The following OPCML variants were observed in gnomAD, a reference collection of about 807,000 sequenced individuals.
OPCML encodes opioid binding protein/cell adhesion molecule like.
A neutral mutation model predicts 37.8 loss-of-function variants in OPCML; 13 were observed. The observed-to-expected ratio is 0.34, with a 90% confidence interval of 0.22 to 0.55. The LOEUF is 0.55. Ranked by LOEUF, OPCML falls within the 20% of genes least tolerant of loss-of-function variation. OPCML has a pLI of 0.91. For synonymous variants in OPCML, 176 were observed against 168.8 expected (o/e 1.04, Z -0.33); for missense variants, 341 against 435.6 (o/e 0.78, Z 1.93).
intron 3 of OPCML, among the ~76,000 whole-genome samples, chr11:132,628,896 C>T (rs1438390143): frequency 6.6e-6 from 1 of 152,120 alleles, no homozygotes; most frequent in Non-Finnish European, 1.5e-5. Flanking sequence ...GTTTACTTCC[C>T]CTTCCGCCAC....
chr11:132,613,242 C>A (rs1235470997), intron 3 of OPCML, among the ~76,000 whole-genome samples: 1 of 152,152 alleles, frequency 6.6e-6, no homozygotes, highest in Non-Finnish European at 1.5e-5. Context: ...TTCTCTCTAA[C>A]AAAAAAGCTA....
At chr11:133,230,051 G>T (rs538187505) in intron 1 of OPCML, among the ~76,000 whole-genome samples, 50 of 152,178 alleles carry the variant, frequency 3.3e-4, no homozygotes, top group African/African-American at 1.2e-3. Flanking sequence ...GCAGAAAAAT[G>T]ATCAATTTAA....
intron 2 of OPCML, among the ~76,000 whole-genome samples, chr11:132,881,167 A>G (rs1591748339): frequency 6.6e-6 from 1 of 152,218 alleles, no homozygotes; most frequent in Non-Finnish European, 1.5e-5. Flanking sequence ...CTTAACAGGG[A>G]TATTTAGGAG....
intron 1 of OPCML, among the ~76,000 whole-genome samples, chr11:133,494,965 G>A (rs1479917513): frequency 2.0e-5 from 3 of 152,018 alleles, no homozygotes; most frequent in African/African-American, 7.3e-5. Flanking sequence ...GGTTACATGA[G>A]TAACTTCTTT....
chr11:133,104,861 T>TG (rs1949134607), intron 1 of OPCML, among the ~76,000 whole-genome samples: 1 of 151,968 alleles, frequency 6.6e-6, no homozygotes, highest in Non-Finnish European at 1.5e-5. Context: ...TGAAAAATAT[T>TG]AAGGCCCAAT....
At chr11:133,186,590 C>G (rs564678865) in intron 1 of OPCML, among the ~76,000 whole-genome samples, 126 of 152,282 alleles carry the variant, frequency 8.3e-4, no homozygotes, top group Non-Finnish European at 1.5e-3. Context: ...CCTCGCTATT[C>G]TCAGCTCACT....
At chr11:132,892,941 T>C (rs1486082743) in intron 2 of OPCML, among the ~76,000 whole-genome samples, 2 of 152,132 alleles carry the variant, frequency 1.3e-5, no homozygotes, top group East Asian at 3.9e-4. Flanking sequence ...GCCCTTCCTA[T>C]AGCTATTTTC....
rs564389135 is a variant in OPCML, at chr11:132,603,241, A to G, written c.379+53846T>C. Reference sequence around the variant, plus strand: ...GCCAGTGATCTCCTACTGATCCATCATAGGAATCTCAAATTCAACACACCC... The same window carrying G: ...GCCAGTGATCTCCTACTGATCCATCGTAGGAATCTCAAATTCAACACACCC... On this transcript the variant is annotated intron_variant, in intron 3 of 7. Coordinates refer to ENST00000524381, the MANE Select transcript of OPCML (RefSeq NM_001012393.5). Among the ~76,000 whole-genome samples, 19 of 152,278 alleles carry G rather than the reference A, an allele frequency of 1.2e-4. 1 individual carries two copies. The South Asian group carries it at 2.5e-3, about 20-fold the overall frequency.
intron 4 of OPCML, among the ~76,000 whole-genome samples, chr11:132,505,540 A>T (rs2096254864): frequency 6.6e-6 from 1 of 152,242 alleles, no homozygotes. Flanking sequence ...AGAATGACAT[A>T]GACCAGAGCC....
intron 4 of OPCML, among the ~76,000 whole-genome samples, chr11:132,449,011 C>T (rs1254182236): frequency 6.6e-6 from 1 of 152,178 alleles, no homozygotes; most frequent in Non-Finnish European, 1.5e-5. Context: ...ATCTGATAAT[C>T]ATGGCATTGA....
intron 1 of OPCML, among the ~76,000 whole-genome samples, chr11:133,370,041 C>T (rs1184743998): frequency 6.6e-6 from 1 of 152,102 alleles, no homozygotes; most frequent in Non-Finnish European, 1.5e-5. Flanking sequence ...AATGATTTTG[C>T]ACATGAAACA....
intron 1 of OPCML, among the ~76,000 whole-genome samples, chr11:133,164,678 T>A (rs1385153644): frequency 6.6e-6 from 1 of 152,222 alleles, no homozygotes; most frequent in Non-Finnish European, 1.5e-5. Flanking sequence ...ATAAATGTTA[T>A]CTCCTGTTCA....
chr11:133,122,106 T>C (rs1218251029), intron 1 of OPCML, among the ~76,000 whole-genome samples: 1 of 152,198 alleles, frequency 6.6e-6, no homozygotes, highest in Non-Finnish European at 1.5e-5. Context: ...AGGAATAGTG[T>C]AAAATTGTTG....
At chr11:132,532,619 A>C (rs1456525477) in intron 3 of OPCML, among the ~76,000 whole-genome samples, 1 of 152,192 alleles carries the variant, frequency 6.6e-6, no homozygotes, top group Non-Finnish European at 1.5e-5. Flanking sequence ...ATTGTTGATC[A>C]ATTCCCCAAA....
chr11:133,314,032 G>A (rs7930263), intron 1 of OPCML, among the ~76,000 whole-genome samples: 73,194 of 150,320 alleles, frequency 0.49, 20,284 homozygotes, highest in East Asian at 0.76. Context: ...TCAGGAGATC[G>A]AGACCATCCC....
At chr11:132,523,653 A>T (rs138592386) in intron 4 of OPCML, among the ~76,000 whole-genome samples, 2,379 of 152,302 alleles carry the variant, frequency 0.016, 37 homozygotes, top group Non-Finnish European at 0.023. Context: ...CAGTATTGAC[A>T]GTATTAAAGG....
At chr11:133,124,199 G>C (rs141599778) in intron 1 of OPCML, among the ~76,000 whole-genome samples, 120 of 151,974 alleles carry the variant, frequency 7.9e-4, no homozygotes, top group Admixed American at 4.5e-3. Flanking sequence ...TTTTAAGAAA[G>C]TGAATTTATT....
At chr11:132,829,531 T>G (rs1012791913) in intron 2 of OPCML, among the ~76,000 whole-genome samples, 5 of 152,182 alleles carry the variant, frequency 3.3e-5, no homozygotes, top group Non-Finnish European at 4.4e-5. Flanking sequence ...GAGAAGGGCC[T>G]CTGACTTCTC....
At position 132,441,431 on chromosome 11, in the gene OPCML, G is replaced by A. The variant is rs569218141; in HGVS notation, c.506-4072C>T. The stretch of plus-strand genomic sequence containing the variant: ...GATCCGCCCGCCTCGGCCTCCCAAA[G>A]TGCTGGGATTACAGGCGTGAGCCAC... On this transcript the variant is annotated intron_variant, in intron 4 of 7. Transcript: ENST00000524381. Among the ~76,000 whole-genome samples, 12 of 152,124 alleles carry A rather than the reference G, an allele frequency of 7.9e-5. No individual in the cohort carries two copies. In the East Asian group the frequency reaches 2.1e-3, roughly 27 times the overall value.
Sources: gnomAD v4.1 joint callset for allele counts (sites outside exome capture counted in the v4.1 genomes callset) on GRCh38, gnomAD v4.1.1 for gene constraint, MANE v1.5 for transcripts, NCBI Gene and HGNC (gene_info 2026-07-23, HGNC 2026-07-21) for gene names.